ALPK3: variants seen among roughly 807,000 people sequenced by gnomAD.
ALPK3 encodes alpha kinase 3, also known as alpha-protein kinase 3.
ALPK3 carries 102 observed loss-of-function variants against 140.0 expected under a neutral mutation model. The ratio of observed to expected loss-of-function variants is 0.73; its 90% CI spans 0.62 to 0.86. The LOEUF (loss-of-function observed/expected upper bound fraction) is 0.86, where lower values mean the gene tolerates loss of function less well. Among genes scored for constraint, ALPK3 ranks in the 40% least tolerant of loss-of-function variants. ALPK3 has a pLI of 0.00. For synonymous variants in ALPK3, 938 were observed against 898.5 expected (o/e 1.04, Z -0.79); for missense variants, 2,254 against 2,208.2 (o/e 1.02, Z -0.42).
At chr15:84,867,515 G>A in intron 13 of ALPK3, 150 bp downstream of exon 13, 1 of 858,852 alleles carries the variant, frequency 1.2e-6, no homozygotes, top group Admixed American at 2.2e-5. Context: ...CATCCTAGGG[G>A]CTACTGGTCC....
In ALPK3 at chr15:84,870,500, G is replaced by A. The variant is rs965169719; in HGVS notation, c.*2044G>A. ...TAGGATTCTTGAGTTTTGACCAACA[G>A]AAATGAACTTGGACCAACTTAAGCA... On this transcript the variant is annotated 3_prime_UTR_variant, in exon 14 of 14. Coordinates refer to ENST00000258888, the MANE Select transcript of ALPK3 (RefSeq NM_020778.5). 1.3e-5 allele frequency: 2 copies of A among 152,240 alleles called. No homozygotes were observed. Among genetic ancestry groups the A allele is most frequent in the African/African-American group, 2.4e-5 (1 of 41,454 alleles). The allele number at this position is 152,240 out of a possible 1,614,324, so 9.4% of individuals were successfully genotyped here. A position where few individuals can be genotyped will look rare whatever the true frequency, so the allele number is the denominator to read the frequency against.
At chr15:84,818,835 C>T (rs532324605) in intron 1 of ALPK3, among the ~76,000 whole-genome samples, 11 of 152,218 alleles carry the variant, frequency 7.2e-5, no homozygotes, top group Non-Finnish European at 1.2e-4. Context: ...AAGAATACCC[C>T]TTTTTCTTAC....
At chr15:84,861,673 C>T (rs1963947327) in intron 9 of ALPK3, among the ~76,000 whole-genome samples, 2 of 152,108 alleles carry the variant, frequency 1.3e-5, no homozygotes, top group Admixed American at 1.3e-4. Flanking sequence ...TGATTTTTTT[C>T]TGTAAAAAAG....
In ALPK3 at chr15:84,868,411, G is replaced by A. The variant is rs748019506; in HGVS notation, c.5073G>A (p.Gln1691=). 9 of 1,612,362 alleles carry A rather than the reference G, an allele frequency of 5.6e-6. No homozygotes were observed. In the Admixed American group the frequency reaches 1.3e-4, roughly 24 times the overall value. Residue 1691 remains glutamine (Q), a synonymous_variant, in exon 14 of 14, where the codon CAG becomes CAA. Transcript: ENST00000258888. ...CAGTCACCACTCAGTTGTTGGGACA[G>A]CCTCCCACCCAAGAGGAGGGCTCCA... is the stretch of plus-strand genomic sequence containing the variant. ...SEPVTTQLLG[Q]PPTQEEGSKA... is the part of the protein sequence containing the mutation.
chr15:84,864,778 C>A, intron 12 of ALPK3, 113 bp downstream of exon 12: 1 of 1,154,398 alleles, frequency 8.7e-7, no homozygotes, highest in Non-Finnish European at 1.2e-6. Context: ...TGTCTTTATT[C>A]TTTTTTGCTT....
chr15:84,839,747 C>T lies in ALPK3; in HGVS notation c.468C>T (p.Asn156=). 6.2e-7 allele frequency: 1 copy of T among 1,613,984 alleles called. No homozygotes were observed. Among genetic ancestry groups the T allele is most frequent in the Non-Finnish European group, 8.5e-7 (1 of 1,179,948 alleles). ...CCATCTACCAGGCCTCTGCCCAGAACAGCAAGGGCATTGTGTCCTGCTCAG... is the reference window on the plus strand; with the variant it reads ...CCATCTACCAGGCCTCTGCCCAGAATAGCAAGGGCATTGTGTCCTGCTCAG... ...DAAIYQASAQ[N]SKGIVSCSGV... Residue 156 remains asparagine, a synonymous_variant, in exon 5 of 14, where the codon AAC becomes AAT. Coordinates refer to ENST00000258888, the MANE Select transcript of ALPK3 (RefSeq NM_020778.5).
intron 10 of ALPK3, 70 bp downstream of exon 10, chr15:84,862,985 T>A (rs1036289730): frequency 2.4e-5 from 37 of 1,557,788 alleles, no homozygotes; most frequent in Non-Finnish European, 3.1e-5. Flanking sequence ...GCCCAGGTCC[T>A]GTTAGGATGC....
rs147684096 is a variant in ALPK3 at position 84,829,840 on chromosome 15, C to T, written c.304+2235C>T. On this transcript the variant is annotated intron_variant, in intron 3 of 13. Transcript: ENST00000258888. ...CTGGAGATAGCTTTGCTTGAAAGAA[C>T]TTTAGAATGCTCATGCTGGGGCTTA... Among the ~76,000 whole-genome samples, 100 of 152,334 alleles carry T rather than the reference C, an allele frequency of 6.6e-4. 2 individuals carry two copies. The South Asian group carries it at 0.01, about 15-fold the overall frequency.
chr15:84,851,628 G>A (rs1006587661), intron 5 of ALPK3, among the ~76,000 whole-genome samples: 4 of 152,082 alleles, frequency 2.6e-5, no homozygotes, highest in Non-Finnish European at 4.4e-5. Flanking sequence ...GAAAATACGT[G>A]TGTGTGTGTC....
In ALPK3 at chr15:84,840,305, A is replaced by G. The variant is rs375002894; in HGVS notation, c.1026A>G (p.Ser342=). 3.1e-6 allele frequency: 5 copies of G among 1,613,966 alleles called. No homozygotes were observed. In the African/African-American group the frequency reaches 4.0e-5, roughly 13 times the overall value. ...AGGCAGCCCAAAGCCGCCGTTCTTC[A>G]GAAAACTGCATCCCCAGCTCAGACG... ...LEKAAQSRRS[S]ENCIPSSDEP... Residue 342 remains serine (S), a synonymous_variant, in exon 5 of 14, where the codon TCA becomes TCG. Transcript: ENST00000258888.
At position 84,870,458 on chromosome 15, in the gene ALPK3, CAG is replaced by C. The variant is rs1337843497; in HGVS notation, c.*2003_*2004del. On this transcript the variant is annotated 3_prime_UTR_variant, in exon 14 of 14. Coordinates refer to ENST00000258888, the MANE Select transcript of ALPK3 (RefSeq NM_020778.5). ...GAGGCAAAGATGTATGAGGCCATCT[CAG>C]GAGAGACTACTTGTTAGGATTCTTG... The C allele has an allele frequency of 1.3e-5, 2 of 152,242 alleles. No homozygotes were observed. The highest frequency in any genetic ancestry group is 1.3e-4 in the Admixed American group (2 of 15,276). The allele number at this position is 152,242 out of a possible 1,614,324, so 9.4% of individuals were successfully genotyped here. A position where few individuals can be genotyped will look rare whatever the true frequency, so the allele number is the denominator to read the frequency against.
Position 84,867,315 on chromosome 15 carries a change from A to G in ALPK3, c.4724-2A>G, listed in dbSNP as rs2141575644. The G allele has an allele frequency of 6.2e-7, 1 of 1,613,788 alleles. No homozygotes were observed. Among genetic ancestry groups the G allele is most frequent in the Non-Finnish European group, 8.5e-7 (1 of 1,179,880 alleles). On this transcript the variant is annotated splice_acceptor_variant, in intron 12 of 13. Transcript: ENST00000258888. LOFTEE classifies it high-confidence loss of function. ...TCAACTCCCAACTTTCTCTCTTTTC[A>G]GGGGTTGACTGGAAGATGACTGATG...
Position 84,868,101 on chromosome 15 carries a change from C to A in ALPK3, c.4773-10C>A. 6.2e-7 allele frequency: 1 copy of A among 1,603,548 alleles called. No homozygotes were observed. Among genetic ancestry groups the A allele is most frequent in the South Asian group, 1.1e-5 (1 of 90,288 alleles). The stretch of plus-strand genomic sequence containing the variant: ...GGGACCCCCACTCAGCTCTTCCTGT[C>A]TGGCTGCAGATACCAGGGCCTCAAG... On this transcript the variant is annotated splice_polypyrimidine_tract_variant and intron_variant, in intron 13 of 13. Coordinates refer to ENST00000258888, the MANE Select transcript of ALPK3 (RefSeq NM_020778.5).
intron 9 of ALPK3, among the ~76,000 whole-genome samples, chr15:84,861,781 G>A (rs1401604403): frequency 2.2e-5 from 1 of 46,170 alleles, no homozygotes; most frequent in Non-Finnish European, 3.9e-5. Context: ...TTAGAATAAC[G>A]AGTTGGTGCC....
chr15:84,845,422 A>G (rs306206), intron 5 of ALPK3, among the ~76,000 whole-genome samples: 30,033 of 151,932 alleles, frequency 0.2, 3,742 homozygotes, highest in Middle Eastern at 0.34. Flanking sequence ...TCCAGATCAC[A>G]GGCTCATGTG....
chr15:84,846,862 T>C (rs1410813626), intron 5 of ALPK3, among the ~76,000 whole-genome samples: 17 of 152,010 alleles, frequency 1.1e-4, no homozygotes, highest in Admixed American at 1.0e-3. Flanking sequence ...CCTCCTGGGT[T>C]CAAGAGATTC....
intron 2 of ALPK3, among the ~76,000 whole-genome samples, chr15:84,823,593 G>A (rs1287907325): frequency 1.3e-5 from 2 of 152,144 alleles, no homozygotes; most frequent in Non-Finnish European, 2.9e-5. Flanking sequence ...AGGATCTCAG[G>A]AATAGAAATA....
At chr15:84,818,011 C>A (rs1963381613) in intron 1 of ALPK3, among the ~76,000 whole-genome samples, 1 of 152,156 alleles carries the variant, frequency 6.6e-6, no homozygotes, top group African/African-American at 2.4e-5. Context: ...GGAGAGGGTG[C>A]TGGGGGGCTG....
chr15:84,818,172 G>A (rs1237162312), intron 1 of ALPK3, among the ~76,000 whole-genome samples: 1 of 152,194 alleles, frequency 6.6e-6, no homozygotes, highest in Non-Finnish European at 1.5e-5. Flanking sequence ...ATGAGGTACT[G>A]TCTGGAGATG....
Sources: gnomAD v4.1 joint callset for allele counts (sites outside exome capture counted in the v4.1 genomes callset) on GRCh38, gnomAD v4.1.1 for gene constraint, MANE v1.5 for transcripts, NCBI Gene and HGNC (gene_info 2026-07-23, HGNC 2026-07-21) for gene names.